Variants in LRP1B observed in about 807,000 individuals in gnomAD.
The protein encoded by LRP1B is low-density lipoprotein receptor-related protein 1B.
LRP1B carries 217 observed loss-of-function variants against 556.6 expected under a neutral mutation model. That is an observed-to-expected ratio of 0.39 (90% CI 0.35 to 0.44). The LOEUF is 0.44. LRP1B is among the 20% of genes least tolerant of loss of function. LRP1B has a pLI of 1.00. For missense variants in LRP1B, 5,053 were observed against 5,620.8 expected, an observed-to-expected ratio of 0.90 and a Z score of 3.23; for synonymous variants, 2,047 against 1,865.8, an observed-to-expected ratio of 1.10 and a Z score of -2.50.
At chr2:141,613,097 C>T (rs895009765) in intron 2 of LRP1B, among the ~76,000 whole-genome samples, 4 of 152,058 alleles carry the variant, frequency 2.6e-5, no homozygotes, top group Admixed American at 6.6e-5. Context: ...CATGAGCCAC[C>T]GCACCTGGCC....
intron 72 of LRP1B, among the ~76,000 whole-genome samples, chr2:140,363,653 T>G (rs1299143801): frequency 1.3e-5 from 2 of 151,460 alleles, no homozygotes; most frequent in Admixed American, 6.6e-5. Flanking sequence ...TCATAATGAG[T>G]TGTATCTATA....
At chr2:141,648,191 C>A (rs1258670150) in intron 2 of LRP1B, among the ~76,000 whole-genome samples, 1 of 152,146 alleles carries the variant, frequency 6.6e-6, no homozygotes. Flanking sequence ...TACAAAGAGG[C>A]TGGACCTGCA....
intron 3 of LRP1B, among the ~76,000 whole-genome samples, chr2:141,372,012 T>C (rs1689245030): frequency 6.6e-6 from 1 of 152,080 alleles, no homozygotes; most frequent in African/African-American, 2.4e-5. Flanking sequence ...GTTTGTCATA[T>C]ATGGCCTTTA....
chr2:141,701,175 G>C (rs1691928118), intron 2 of LRP1B, among the ~76,000 whole-genome samples: 1 of 151,830 alleles, frequency 6.6e-6, no homozygotes, highest in South Asian at 2.1e-4. Context: ...ACACATTACA[G>C]CTTTGCTTAT....
intron 7 of LRP1B, among the ~76,000 whole-genome samples, chr2:141,106,887 T>G (rs1423432340): frequency 6.6e-6 from 1 of 152,192 alleles, no homozygotes; most frequent in Non-Finnish European, 1.5e-5. Flanking sequence ...TCAGTGATAT[T>G]TATTACATGA....
intron 1 of LRP1B, among the ~76,000 whole-genome samples, chr2:142,020,158 G>T (rs1251139202): frequency 2.0e-5 from 3 of 152,146 alleles, no homozygotes; most frequent in Non-Finnish European, 4.4e-5. Flanking sequence ...GGAACGGGTA[G>T]ATATAATCAA....
intron 57 of LRP1B, 149 bp from the exon 58 acceptor site, chr2:140,487,888 G>A (rs1388986397): frequency 1.7e-5 from 8 of 468,272 alleles, no homozygotes; most frequent in East Asian, 3.6e-5. Context: ...CTCATTAAAA[G>A]TATCATATAT....
At chr2:140,446,248 G>T (rs1441810146) in intron 63 of LRP1B, among the ~76,000 whole-genome samples, 4 of 151,958 alleles carry the variant, frequency 2.6e-5, no homozygotes, top group Non-Finnish European at 5.9e-5. Context: ...ACCAGAAAAA[G>T]GTTGCAACTA....
intron 3 of LRP1B, among the ~76,000 whole-genome samples, chr2:141,354,908 G>A (rs561811946): frequency 6.6e-6 from 1 of 152,078 alleles, no homozygotes; most frequent in Non-Finnish European, 1.5e-5. Context: ...AATTGGCAGA[G>A]TCTAGCCAAG....
chr2:141,320,503 G>A lies in LRP1B; in HGVS notation c.344-65862C>T, dbSNP rs61026736. Among the ~76,000 whole-genome samples the A allele has an allele frequency of 5.3e-5, 8 of 152,144 alleles. No individual in the cohort carries two copies. In the East Asian group the frequency reaches 1.5e-3, roughly 29 times the overall value. ...TTAGTGATGCTATGTACTATGCCTA[G>A]ACACTGATGCGGAGGACCACTCCTA... On this transcript the variant is annotated intron_variant, in intron 3 of 90. Coordinates refer to ENST00000389484, the MANE Select transcript of LRP1B (RefSeq NM_018557.3).
At chr2:141,396,634 G>A (rs1254589847) in intron 3 of LRP1B, among the ~76,000 whole-genome samples, 1 of 152,076 alleles carries the variant, frequency 6.6e-6, no homozygotes, top group East Asian at 1.9e-4. Context: ...TAAAATTGTA[G>A]ATGTATCTTT....
intron 4 of LRP1B, among the ~76,000 whole-genome samples, chr2:141,249,763 G>T (rs1684195193): frequency 6.6e-6 from 1 of 152,086 alleles, no homozygotes; most frequent in South Asian, 2.1e-4. Flanking sequence ...AATCCAATAA[G>T]ATAAAGATTA....
At chr2:141,024,361 ATGT>A (rs1230909943) in intron 11 of LRP1B, among the ~76,000 whole-genome samples, 1 of 151,998 alleles carries the variant, frequency 6.6e-6, no homozygotes, top group Non-Finnish European at 1.5e-5. Flanking sequence ...AAATACCTTG[ATGT>A]TGTATTCAAA....
At chr2:140,243,401 C>T (rs993678193) in intron 87 of LRP1B, among the ~76,000 whole-genome samples, 4 of 150,986 alleles carry the variant, frequency 2.6e-5, no homozygotes, top group African/African-American at 9.7e-5. Context: ...GAAGTGTTCA[C>T]TATCATGAAG....
chr2:141,743,506 T>C (rs1244799409), intron 2 of LRP1B, among the ~76,000 whole-genome samples: 1 of 98,606 alleles, frequency 1.0e-5, no homozygotes, highest in African/African-American at 3.6e-5. Flanking sequence ...TTTTTCTTTT[T>C]TTTTTTTTTT....
At chr2:140,539,807 T>G (rs1021725313) in intron 45 of LRP1B, among the ~76,000 whole-genome samples, 1 of 152,148 alleles carries the variant, frequency 6.6e-6, no homozygotes, top group Non-Finnish European at 1.5e-5. Flanking sequence ...CAAAGAAATA[T>G]GGGAATTTGT....
At chr2:141,932,364 T>C (rs1174790353) in intron 1 of LRP1B, among the ~76,000 whole-genome samples, 1 of 152,034 alleles carries the variant, frequency 6.6e-6, no homozygotes, top group African/African-American at 2.4e-5. Flanking sequence ...ACTTTGCAAT[T>C]GTAAAGCACT....
At chr2:140,638,919 T>A (rs1337458853) in intron 41 of LRP1B, among the ~76,000 whole-genome samples, 1 of 151,918 alleles carries the variant, frequency 6.6e-6, no homozygotes, top group Non-Finnish European at 1.5e-5. Context: ...ATAGTTCGTA[T>A]TTCATATTCA....
chr2:140,459,165 G>T (rs139642959), intron 60 of LRP1B, among the ~76,000 whole-genome samples: 8 of 152,148 alleles, frequency 5.3e-5, no homozygotes, highest in African/African-American at 1.7e-4. Flanking sequence ...GAATGAAAAG[G>T]ACACTTTACT....
Sources: allele counts gnomAD v4.1 joint callset (sites outside exome capture counted in the v4.1 genomes callset), GRCh38; gene constraint gnomAD v4.1.1; transcripts MANE v1.5; gene names NCBI Gene and HGNC (gene_info 2026-07-23, HGNC 2026-07-21).